KRR1: variants seen among roughly 807,000 people sequenced by gnomAD.
KRR1 encodes KRR1 small subunit processome component, also known as KRR1 small subunit processome component homolog.
In KRR1, 23 loss-of-function variants were observed where a neutral mutation model predicts 50.0. That is an observed-to-expected ratio of 0.46 (90% CI 0.33 to 0.65). The LOEUF is 0.65. Ranked by LOEUF, KRR1 falls within the 30% of genes least tolerant of loss-of-function variation. The probability of loss-of-function intolerance (pLI) is 0.02; values close to 1 mark genes in which losing one functional copy is unlikely to be tolerated. For missense variants in KRR1, 419 were observed against 442.4 expected (o/e 0.95, Z 0.47); for synonymous variants, 133 against 146.3 (o/e 0.91, Z 0.66).
rs2046365595 is a variant in KRR1, at chr12:75,498,467, G to C, written c.*1342C>G. On this transcript the variant is annotated 3_prime_UTR_variant, in exon 10 of 10. Coordinates refer to ENST00000229214, the MANE Select transcript of KRR1 (RefSeq NM_007043.7). ...ATTTTCCATTTATAGTAATGGTATA[G>C]TTTCCTTTTTATAAAAGGTTTATAA... 3 of 444,560 alleles carry C rather than the reference G, an allele frequency of 6.7e-6. No homozygotes were observed. Among genetic ancestry groups the C allele is most frequent in the Non-Finnish European group, 1.2e-5 (3 of 252,460 alleles). The allele number at this position is 444,560 out of a possible 1,614,324, so 27.5% of individuals were successfully genotyped here.
chr12:75,507,256 T>A (rs1371237908), intron 2 of KRR1, among the ~76,000 whole-genome samples: 1 of 152,124 alleles, frequency 6.6e-6, no homozygotes, highest in Non-Finnish European at 1.5e-5. Flanking sequence ...CTGTACAGCT[T>A]CCCTATTCTG....
chr12:75,510,146 C>T (rs1007140357), intron 1 of KRR1, among the ~76,000 whole-genome samples: 9 of 152,130 alleles, frequency 5.9e-5, no homozygotes, highest in Admixed American at 2.6e-4. Context: ...ATTCAGATAA[C>T]ATGTATTCAT....
At position 75,511,564 on chromosome 12, in the gene KRR1, CT is replaced by C; in HGVS notation, c.33del (p.Gly12AlafsTer61). ...TTACGAAATTCACTTTTTCCAGCGC[CT>C]TTTTCTGGCCGCTCCAGCGAGGGAG... MASPSLERPE[K>X]GAGKSEFRNQ... On this transcript the variant is annotated frameshift_variant, in exon 1 of 10. Coordinates refer to ENST00000229214, the MANE Select transcript of KRR1 (RefSeq NM_007043.7). LOFTEE classifies it high-confidence loss of function. 1 of 1,614,104 alleles carries C rather than the reference CT, an allele frequency of 6.2e-7. No homozygotes were observed. Among genetic ancestry groups the C allele is most frequent in the Non-Finnish European group, 8.5e-7 (1 of 1,179,948 alleles).
Position 75,506,489 on chromosome 12 carries a change from A to T in KRR1, c.514T>A (p.Leu172Met), listed in dbSNP as rs1352986918. 6.2e-7 allele frequency: 1 copy of T among 1,611,432 alleles called. No homozygotes were observed. The highest frequency in any genetic ancestry group is 1.3e-5 in the African/African-American group (1 of 74,670). Residue 172 changes from leucine to methionine, a missense_variant, in exon 4 of 10, where the codon TTG becomes ATG. Physicochemically the swap from Leu to Met is conservative, Grantham distance 15. Transcript: ENST00000229214. ...TTCCACTAATTAAAAAATACCTTCA[A>T]TGTAGATCCTTTGGGACCAATAAGC... The part of the protein sequence containing the change: ...QRLIGPKGST[L>M]KALELLTNCY...
chr12:75,500,417 C>A (rs1484848151), intron 9 of KRR1: 1 of 151,924 alleles, frequency 6.6e-6, no homozygotes, highest in African/African-American at 2.4e-5. Flanking sequence ...AGGTCAAAAT[C>A]TACTTCCTCT....
In KRR1 at chr12:75,499,358, C is replaced by CCTGT. The variant is rs1409264891; in HGVS notation, c.*447_*450dup. 6.2e-6 allele frequency: 1 copy of CCTGT among 162,282 alleles called. No homozygotes were observed. Among genetic ancestry groups the CCTGT allele is most frequent in the Non-Finnish European group, 1.3e-5 (1 of 75,522 alleles). The allele number at this position is 162,282 out of a possible 1,614,324, so 10.1% of individuals were successfully genotyped here. A position where few individuals can be genotyped will look rare whatever the true frequency, so the allele number is the denominator to read the frequency against. The stretch of plus-strand genomic sequence containing the variant: ...CTTCGACTCTAAATATCTGGTTTTC[C>CCTGT]CTGTCTTTTTGGTTTACTACTTCCC... On this transcript the variant is annotated 3_prime_UTR_variant, in exon 10 of 10. Transcript: ENST00000229214.
chr12:75,499,291 T>C lies in KRR1; in HGVS notation c.*518A>G, dbSNP rs1029493487. 5.1e-6 allele frequency: 1 copy of C among 195,670 alleles called. No individual in the cohort carries two copies. Among genetic ancestry groups the C allele is most frequent in the Non-Finnish European group, 1.0e-5 (1 of 97,630 alleles). 12.1% of individuals were successfully genotyped at this position (195,670 alleles called of 1,614,324 possible). A position where few individuals can be genotyped will look rare whatever the true frequency, so the allele number is the denominator to read the frequency against. The stretch of plus-strand genomic sequence containing the variant: ...TTTAGGTGATTCTTAGTAACTCCAG[T>C]AGCCTTCATTAGTTAAAAACATTAT... On this transcript the variant is annotated 3_prime_UTR_variant, in exon 10 of 10. Transcript: ENST00000229214.
Position 75,501,792 on chromosome 12 carries a change from T to C in KRR1, c.934A>G (p.Lys312Glu), listed in dbSNP as rs369198555. ...IKAKQAEAIS[K>E]RQEERNKAFI... ...GCTTTGTTTCTTTCCTCTTGTCTCT[T>C]ACTGATGGCTTCTGCTTGTTTAGCC... Residue 312 changes from lysine to glutamate, a missense_variant, in exon 9 of 10, where the codon AAG becomes GAG. By Grantham distance (56) the Lys-to-Glu change is moderately conservative. Coordinates refer to ENST00000229214, the MANE Select transcript of KRR1 (RefSeq NM_007043.7). 2.9e-5 allele frequency: 46 copies of C among 1,610,062 alleles called. No individual in the cohort carries two copies. The highest frequency in any genetic ancestry group is 3.9e-5 in the Non-Finnish European group (46 of 1,177,948).
intron 1 of KRR1, among the ~76,000 whole-genome samples, chr12:75,509,619 C>T (rs1437747784): frequency 4.1e-5 from 6 of 147,354 alleles, no homozygotes; most frequent in Admixed American, 1.4e-4. Flanking sequence ...GACAGGGCCT[C>T]GCTCTGTCAC....
chr12:75,501,701 T>G, intron 9 of KRR1, 22 bp downstream of exon 9: 1 of 1,493,138 alleles, frequency 6.7e-7, no homozygotes, highest in Non-Finnish European at 9.3e-7. Flanking sequence ...AATAAAGACT[T>G]TTACATCATA....
rs1302281696 is a variant in KRR1 at position 75,495,811 on chromosome 12, T to C, written c.*3998A>G. The C allele has an allele frequency of 2.0e-6, 1 of 498,956 alleles. No individual in the cohort carries two copies. The highest frequency in any genetic ancestry group is 2.0e-5 in the African/African-American group (1 of 50,452). 30.9% of individuals were successfully genotyped at this position (498,956 alleles called of 1,614,324 possible). Reference sequence around the variant, plus strand: ...CAATTAAACCAATGGCTTACTGTTCTAGGAATACATTTAAGAGAAATTTAA... The same window carrying C: ...CAATTAAACCAATGGCTTACTGTTCCAGGAATACATTTAAGAGAAATTTAA... On this transcript the variant is annotated 3_prime_UTR_variant, in exon 10 of 10. Coordinates refer to ENST00000229214, the MANE Select transcript of KRR1 (RefSeq NM_007043.7).
At chr12:75,507,923 A>G (rs894142920) in intron 2 of KRR1, among the ~76,000 whole-genome samples, 6 of 152,178 alleles carry the variant, frequency 3.9e-5, no homozygotes, top group African/African-American at 1.4e-4. Context: ...AAAGGTAATC[A>G]ATTAGAAACA....
At chr12:75,502,888 C>G (rs912279786) in intron 7 of KRR1, 3 of 151,980 alleles carry the variant, frequency 2.0e-5, no homozygotes, top group African/African-American at 7.2e-5. Flanking sequence ...TAACTACTAT[C>G]AATTTCCTCC....
chr12:75,511,594 C>A lies in KRR1; in HGVS notation c.4G>T (p.Ala2Ser), dbSNP rs763042419. M[A>S]SPSLERPEKG... ...TCTGGCCGCTCCAGCGAGGGAGACG[C>A]CATTTGCAAGCTGCTTCCGGTGGCT... The change falls in exon 1 of 10, where the codon GCG (alanine) becomes TCG (serine). Residue 2 changes from alanine to serine, a missense_variant. Ala to Ser is a moderately conservative substitution (Grantham distance 99, BLOSUM62 1). Coordinates refer to ENST00000229214, the MANE Select transcript of KRR1 (RefSeq NM_007043.7). The A allele has an allele frequency of 1.2e-6, 2 of 1,613,906 alleles. No homozygotes were observed. Among genetic ancestry groups the A allele is most frequent in the African/African-American group, 1.3e-5 (1 of 74,936 alleles).
intron 2 of KRR1, among the ~76,000 whole-genome samples, chr12:75,507,132 C>T (rs376635916): frequency 3.9e-5 from 6 of 152,102 alleles, no homozygotes; most frequent in African/African-American, 1.2e-4. Flanking sequence ...AACCATTTAC[C>T]CTTGGTTTTA....
intron 1 of KRR1, among the ~76,000 whole-genome samples, chr12:75,511,249 C>G (rs73183270): frequency 6.6e-6 from 1 of 152,308 alleles, no homozygotes; most frequent in Non-Finnish European, 1.5e-5. Flanking sequence ...TTTCTTAATA[C>G]TCATCCTTTT....
chr12:75,500,613 A>G (rs2046386793), intron 9 of KRR1: 1 of 152,016 alleles, frequency 6.6e-6, no homozygotes, highest in Admixed American at 6.6e-5. Context: ...CAATAATTTG[A>G]GAGTGTGTGG....
At chr12:75,508,519 T>A (rs1444556955) in intron 1 of KRR1, 73 bp from the exon 2 acceptor site, 1 of 1,109,818 alleles carries the variant, frequency 9.0e-7, no homozygotes, top group Non-Finnish European at 1.3e-6. Flanking sequence ...TTTAACTGTC[T>A]TTTGGACACT....
chr12:75,501,504 C>A, intron 9 of KRR1: 2 of 502,692 alleles, frequency 4.0e-6, no homozygotes, highest in Non-Finnish European at 7.1e-6. Context: ...GACCAGAGGT[C>A]AGGAGAGGAC....
Sources: allele counts gnomAD v4.1 joint callset (sites outside exome capture counted in the v4.1 genomes callset), GRCh38; gene constraint gnomAD v4.1.1; transcripts MANE v1.5; gene names NCBI Gene and HGNC (gene_info 2026-07-23, HGNC 2026-07-21).